Variants in ZNF462 observed in about 807,000 individuals in gnomAD.
The protein encoded by ZNF462 is zinc finger protein 462.
Under a neutral mutation model 201.9 loss-of-function variants are expected in ZNF462, and 10 were observed. The ratio of observed to expected loss-of-function variants is 0.05; its 90% confidence interval spans 0.03 to 0.08. ZNF462 has a LOEUF of 0.08. Among genes scored for constraint, ZNF462 ranks in the 10% least tolerant of loss-of-function variants. The pLI is 1.00. For missense variants in ZNF462, 2,523 were observed against 3,168.3 expected (o/e 0.80, Z 4.89); for synonymous variants, 1,227 against 1,193.3 (o/e 1.03, Z -0.58).
Position 106,883,289 on chromosome 9 carries a change from G to A in ZNF462, c.-31+19934G>A, listed in dbSNP as rs142323522. Among the ~76,000 whole-genome samples the A allele has an allele frequency of 1.3e-3, 199 of 152,292 alleles. No individual in the cohort carries two copies. The highest frequency in any genetic ancestry group is 2.3e-3 in the Non-Finnish European group (155 of 68,018). On this transcript the variant is annotated intron_variant, in intron 1 of 12. Coordinates refer to ENST00000277225, the MANE Select transcript of ZNF462 (RefSeq NM_021224.6). This position sits in a 1 kb window ranked among gnomAD's most constrained non-coding sequence, Gnocchi z 4.9. The stretch of plus-strand genomic sequence containing the variant: ...TCTAATGCCATATGCTTCCTGGAAC[G>A]CATTCTAATATAAAGTATGTGTTAA...
In ZNF462 at chr9:106,972,014, A is replaced by G. The variant is rs1826645114; in HGVS notation, c.6437A>G (p.Tyr2146Cys). 2 of 1,613,876 alleles carry G rather than the reference A, an allele frequency of 1.2e-6. No individual in the cohort carries two copies. The highest frequency in any genetic ancestry group is 1.7e-6 in the Non-Finnish European group (2 of 1,179,900). Residue 2146 changes from tyrosine to cysteine, a missense_variant, in exon 8 of 13, where the codon TAT becomes TGT. Transcript: ENST00000277225. The surrounding 1 kb of genome is among the most constrained non-coding windows in gnomAD (Gnocchi z 4.8). ...TCCCGTCTCTTCACAGACTCATCATATTCAGAGCCCCCAGATGTTCAGCAG... is the reference window on the plus strand; with the variant it reads ...TCCCGTCTCTTCACAGACTCATCATGTTCAGAGCCCCCAGATGTTCAGCAG... ...EEVEDSNDSS[Y>C]SEPPDVQQQL... is the part of the protein sequence containing the mutation.
intron 9 of ZNF462, chr9:106,975,236 C>T (rs1013392540): frequency 6.6e-6 from 1 of 152,248 alleles, no homozygotes; most frequent in African/African-American, 2.4e-5. Context: ...CCTCTTCCCT[C>T]CTATCTTCAT....
At position 106,938,931 on chromosome 9, in the gene ZNF462, A is replaced by G. The variant is rs901864944; in HGVS notation, c.6251A>G (p.Lys2084Arg). The change falls in exon 7 of 13, where the codon AAG (lysine) becomes AGG (arginine). Residue 2084 changes from lysine to arginine, a missense_variant. Lys to Arg is a conservative substitution (Grantham distance 26). This residue lies in a region of ZNF462 where 138 missense variants were observed against 146.3 expected (regional missense o/e 0.94). Transcript: ENST00000277225. This position sits in a 1 kb window ranked among gnomAD's most constrained non-coding sequence, Gnocchi z 4.4. ...CCTCTTCCAGGTGAGCATGCCTACA[A>G]GTGTTCTTGGTGCTCATTCTCCACC... ...LKAHAGEHAY[K>R]CSWCSFSTMT... 13 of 1,610,040 alleles carry G rather than the reference A, an allele frequency of 8.1e-6. No homozygotes were observed. The Middle Eastern group carries it at 5.0e-4, about 62-fold the overall frequency.
chr9:106,871,031 A>G (rs1827568062), intron 1 of ZNF462, among the ~76,000 whole-genome samples: 1 of 152,134 alleles, frequency 6.6e-6, no homozygotes, highest in Admixed American at 6.5e-5. Context: ...GATGTCCTCT[A>G]AGGGAAAATT....
In ZNF462 at chr9:106,923,523, G is replaced by T. The variant is rs771019143; in HGVS notation, c.140G>T (p.Gly47Val). ...AEDNVNELRC[G>V]SVNASNQTEV... ...GACAATGTGAATGAGCTACGATGTG[G>T]GTCCGTGAATGCCAGTAATCAGACA... The change falls in exon 2 of 13, where the codon GGG becomes GTG. Residue 47 changes from glycine to valine, a missense_variant. This residue lies in a region of ZNF462 where 480 missense variants were observed against 544.4 expected (regional missense o/e 0.88). Coordinates refer to ENST00000277225, the MANE Select transcript of ZNF462 (RefSeq NM_021224.6). The surrounding 1 kb of genome is among the most constrained non-coding windows in gnomAD (Gnocchi z 5.6). 3 of 1,614,050 alleles carry T rather than the reference G, an allele frequency of 1.9e-6. No homozygotes were observed. The highest frequency in any genetic ancestry group is 1.1e-5 in the South Asian group (1 of 91,088).
intron 1 of ZNF462, among the ~76,000 whole-genome samples, chr9:106,901,364 T>A (rs1358973260): frequency 6.6e-6 from 1 of 152,186 alleles, no homozygotes; most frequent in Non-Finnish European, 1.5e-5. Context: ...GCCTCTAGAT[T>A]TGTTCTTTTG....
Position 106,925,936 on chromosome 9 carries a change from C to T in ZNF462, c.2024C>T (p.Ala675Val), listed in dbSNP as rs774476129. Residue 675 changes from alanine (A) to valine (V), a missense_variant, in exon 3 of 13, where the codon GCC becomes GTC. Ala to Val is a moderately conservative substitution (Grantham distance 64). Transcript: ENST00000277225. The surrounding 1 kb of genome is among the most constrained non-coding windows in gnomAD (Gnocchi z 7.9). ...LSSKNNFVAK[A>V]SRKLANDFPL... ...TCCAAGAACAATTTTGTAGCTAAAG[C>T]CTCTAGGAAGCTCGCCAATGACTTT... 8.7e-6 allele frequency: 14 copies of T among 1,614,124 alleles called. No individual in the cohort carries two copies. The South Asian group carries it at 1.4e-4, about 16-fold the overall frequency.
chr9:106,909,115 A>G (rs527896520), intron 1 of ZNF462, among the ~76,000 whole-genome samples: 1 of 150,638 alleles, frequency 6.6e-6, no homozygotes, highest in Non-Finnish European at 1.5e-5. Flanking sequence ...GGCACATGCC[A>G]CTACCACCTG....
At chr9:106,990,037 A>G (rs1050428900) in intron 10 of ZNF462, among the ~76,000 whole-genome samples, 8 of 151,456 alleles carry the variant, frequency 5.3e-5, no homozygotes, top group African/African-American at 1.9e-4. Context: ...GTTTGTTTCA[A>G]TTTCATTTAG....
chr9:106,886,316 G>A lies in ZNF462; in HGVS notation c.-31+22961G>A, dbSNP rs1475716199. On this transcript the variant is annotated intron_variant, in intron 1 of 12. Coordinates refer to ENST00000277225, the MANE Select transcript of ZNF462 (RefSeq NM_021224.6). This position sits in a 1 kb window ranked among gnomAD's most constrained non-coding sequence, Gnocchi z 4.6. ...TATGTAGATCCAAAATTATTTTAAA[G>A]TTTGAAGTGTCTTTCTGTTAGCTGT... is the stretch of plus-strand genomic sequence containing the variant. 2.0e-5 allele frequency among the ~76,000 whole-genome samples: 3 copies of A among 152,162 alleles called. No individual in the cohort carries two copies. In the East Asian group the frequency reaches 5.8e-4, roughly 29 times the overall value.
At chr9:106,882,673 T>A (rs750506780) in intron 1 of ZNF462, among the ~76,000 whole-genome samples, 2 of 152,254 alleles carry the variant, frequency 1.3e-5, no homozygotes, top group African/African-American at 2.4e-5. Context: ...TTAAATTTCA[T>A]AGAATTGAGT....
rs147157311 is a variant in ZNF462, at chr9:106,957,505, A to G, written c.6428-14500A>G. Among the ~76,000 whole-genome samples, 7 of 152,282 alleles carry G rather than the reference A, an allele frequency of 4.6e-5. No homozygotes were observed. In the East Asian group the frequency reaches 1.2e-3, roughly 25 times the overall value. Reference sequence around the variant, plus strand: ...ACCTGTTGCTGGAAAAATGGTGTCAATAGACTTATTCAAGTTAAACCTTCA... The same window carrying G: ...ACCTGTTGCTGGAAAAATGGTGTCAGTAGACTTATTCAAGTTAAACCTTCA... On this transcript the variant is annotated intron_variant, in intron 7 of 12. Transcript: ENST00000277225.
rs1478731477 is a variant in ZNF462 at position 106,993,592 on chromosome 9, G to A, written c.7056+9183G>A. 6.6e-6 allele frequency among the ~76,000 whole-genome samples: 1 copy of A among 151,802 alleles called. No individual in the cohort carries two copies. Among genetic ancestry groups the A allele is most frequent in the Non-Finnish European group, 1.5e-5 (1 of 67,914 alleles). Reference sequence around the variant, plus strand: ...TGGGTCCTCTAGAAGGTTGACTAGTGTAGTCTCTCCCTCCTCTCCCCCTCC... The same window carrying A: ...TGGGTCCTCTAGAAGGTTGACTAGTATAGTCTCTCCCTCCTCTCCCCCTCC... On this transcript the variant is annotated intron_variant, in intron 10 of 12. Coordinates refer to ENST00000277225, the MANE Select transcript of ZNF462 (RefSeq NM_021224.6). This position sits in a 1 kb window ranked among gnomAD's most constrained non-coding sequence, Gnocchi z 4.0.
At chr9:106,882,922 G>T (rs1828163291) in intron 1 of ZNF462, among the ~76,000 whole-genome samples, 1 of 152,190 alleles carries the variant, frequency 6.6e-6, no homozygotes, top group Non-Finnish European at 1.5e-5. Context: ...TGAGTATGTA[G>T]TGTTTCCTAT....
rs2132158540 is a variant in ZNF462 at position 106,978,777 on chromosome 9, T to C, written c.6832+4504T>C. On this transcript the variant is annotated intron_variant, in intron 9 of 12. Transcript: ENST00000277225. The surrounding 1 kb of genome is among the most constrained non-coding windows in gnomAD (Gnocchi z 4.1). ...TACAGAAAACTGAACAGTGTACATT[T>C]AACCCAGTTTAGTGGCAAGTCTTTT... 1 of 160,476 alleles carries C rather than the reference T, an allele frequency of 6.2e-6. No homozygotes were observed. Among genetic ancestry groups the C allele is most frequent in the East Asian group, 1.8e-4 (1 of 5,466 alleles). 9.9% of individuals were successfully genotyped at this position (160,476 alleles called of 1,614,324 possible).
chr9:106,866,411 G>A (rs1402705382), intron 1 of ZNF462, among the ~76,000 whole-genome samples: 2 of 152,152 alleles, frequency 1.3e-5, no homozygotes, highest in East Asian at 1.9e-4. Context: ...AAACTGTTGT[G>A]TCATTAATTG....
In ZNF462 at chr9:107,010,878, A is replaced by G; in HGVS notation, c.7369A>G (p.Met2457Val). ...AGAAGAAATCCACCCAAAAGAGATC[A>G]TGGAGAACAGTGTTAAAATGCCCTC... Reference protein sequence around the residue: ...SREEIHPKEIMENSVKMPSIE... With the variant: ...SREEIHPKEIVENSVKMPSIE... Residue 2457 changes from methionine to valine, a missense_variant, in exon 13 of 13, where the codon ATG becomes GTG. Met to Val is a conservative substitution (Grantham distance 21). Coordinates refer to ENST00000277225, the MANE Select transcript of ZNF462 (RefSeq NM_021224.6). The surrounding 1 kb of genome is among the most constrained non-coding windows in gnomAD (Gnocchi z 4.6). 1 of 1,613,542 alleles carries G rather than the reference A, an allele frequency of 6.2e-7. No homozygotes were observed. The highest frequency in any genetic ancestry group is 8.5e-7 in the Non-Finnish European group (1 of 1,179,742).
chr9:106,909,779 G>C (rs539654278), intron 1 of ZNF462, among the ~76,000 whole-genome samples: 1 of 152,220 alleles, frequency 6.6e-6, no homozygotes, highest in South Asian at 2.1e-4. Flanking sequence ...ATGTATATAG[G>C]ATTCAATGTT....
intron 7 of ZNF462, among the ~76,000 whole-genome samples, chr9:106,951,292 C>T (rs949796929): frequency 4.6e-5 from 7 of 152,076 alleles, no homozygotes; most frequent in African/African-American, 1.2e-4. Flanking sequence ...TTCTAAATCA[C>T]GGCATGCCTA....
Sources: allele counts gnomAD v4.1 joint callset (sites outside exome capture counted in the v4.1 genomes callset), GRCh38; gene constraint gnomAD v4.1.1; regional missense constraint gnomAD v4.1.1; non-coding constraint Gnocchi (gnomAD v3.1); transcripts MANE v1.5; gene names NCBI Gene and HGNC (gene_info 2026-07-23, HGNC 2026-07-21).